The following MCIDAS variants were observed in gnomAD, a reference collection of about 807,000 sequenced individuals.
MCIDAS encodes the protein multicilin.
A neutral mutation model predicts 35.4 loss-of-function variants in MCIDAS; 23 were observed. That is an observed-to-expected ratio of 0.65 (90% confidence interval 0.47 to 0.92). MCIDAS has a LOEUF of 0.92. MCIDAS is among the 40% of genes least tolerant of loss of function. The probability of loss-of-function intolerance (pLI) is 0.00; values close to 1 mark genes in which losing one functional copy is unlikely to be tolerated. For synonymous variants in MCIDAS, 228 were observed against 235.2 expected (o/e 0.97, Z 0.28); for missense variants, 480 against 531.8 (o/e 0.90, Z 0.96).
At chr5:55,224,786 T>C (rs960467269) in intron 3 of MCIDAS, among the ~76,000 whole-genome samples, 2 of 152,216 alleles carry the variant, frequency 1.3e-5, no homozygotes, top group Non-Finnish European at 2.9e-5. Context: ...AAATGTGATC[T>C]GAGTGTCCCA....
At position 55,219,583 on chromosome 5, in the gene MCIDAS, T is replaced by G. The variant is rs1284680473; in HGVS notation, c.*783A>C. On this transcript the variant is annotated 3_prime_UTR_variant, in exon 7 of 7. Transcript: ENST00000513312. ...ACACTCTTTTTCATGCGGTATATGC[T>G]ATTTTCTTAAAACAATATATATTTC... 1.3e-5 allele frequency: 2 copies of G among 151,264 alleles called. No homozygotes were observed. Among genetic ancestry groups the G allele is most frequent in the African/African-American group, 4.9e-5 (2 of 41,176 alleles). The allele number at this position is 151,264 out of a possible 1,614,324, so 9.4% of individuals were successfully genotyped here.
intron 3 of MCIDAS, among the ~76,000 whole-genome samples, chr5:55,224,446 G>T (rs1745419907): frequency 6.6e-6 from 1 of 152,134 alleles, no homozygotes; most frequent in African/African-American, 2.4e-5. Flanking sequence ...AAAGAGTCAA[G>T]CAGGGAGGCC....
chr5:55,227,122 C>T lies in MCIDAS; in HGVS notation c.17G>A (p.Gly6Asp), dbSNP rs1331919030. 6.8e-7 allele frequency: 1 copy of T among 1,474,418 alleles called. No individual in the cohort carries two copies. The highest frequency in any genetic ancestry group is 2.3e-5 in the Admixed American group (1 of 43,398). 91.3% of individuals were successfully genotyped at this position (1,474,418 alleles called of 1,614,324 possible). MQACG[G>D]GAAGRRAFDS... ...GAAGGCCCGACGGCCGGCCGCGCCG[C>T]CCCCGCACGCCTGCATTGTGCCTCC... The change falls in exon 1 of 7, where the codon GGC (glycine) becomes GAC (aspartate). Residue 6 changes from glycine to aspartate, a missense_variant. Physicochemically the swap from Gly to Asp is moderately conservative, Grantham distance 94. Transcript: ENST00000513312.
chr5:55,226,124 G>T (rs1416730679), intron 3 of MCIDAS, among the ~76,000 whole-genome samples: 1 of 152,132 alleles, frequency 6.6e-6, no homozygotes, highest in African/African-American at 2.4e-5. Context: ...TTCCAGTCCT[G>T]ATAGAGAAGT....
In MCIDAS at chr5:55,223,047, C is replaced by T. The variant is rs1363557661; in HGVS notation, c.310-24G>A. On this transcript the variant is annotated intron_variant, in intron 3 of 6. Coordinates refer to ENST00000513312, the MANE Select transcript of MCIDAS (RefSeq NM_001190787.3). This position sits in a 1 kb window ranked among gnomAD's most constrained non-coding sequence, Gnocchi z 4.4. ...TTCTGAAAAAAACCAGAGGTGTACA[C>T]TGGTTAACGAGTCTGGCGTTAGAAA... 6.5e-7 allele frequency: 1 copy of T among 1,528,446 alleles called. No individual in the cohort carries two copies. Among genetic ancestry groups the T allele is most frequent in the African/African-American group, 1.4e-5 (1 of 72,918 alleles). 94.7% of individuals were successfully genotyped at this position (1,528,446 alleles called of 1,614,324 possible).
Position 55,223,171 on chromosome 5 carries a change from AT to A in MCIDAS, c.310-149del. ...CACTTGTACCCCTAAGTCCCCCCAA[AT>A]AAAACAATTTTTGTGGCGGGTCCGG... On this transcript the variant is annotated intron_variant, in intron 3 of 6. Coordinates refer to ENST00000513312, the MANE Select transcript of MCIDAS (RefSeq NM_001190787.3). This position sits in a 1 kb window ranked among gnomAD's most constrained non-coding sequence, Gnocchi z 4.4. The A allele has an allele frequency of 3.0e-6, 2 of 666,152 alleles. No homozygotes were observed. Among genetic ancestry groups the A allele is most frequent in the East Asian group, 2.8e-5 (1 of 36,178 alleles). The allele number at this position is 666,152 out of a possible 1,614,324, so 41.3% of individuals were successfully genotyped here.
At position 55,227,055 on chromosome 5, in the gene MCIDAS, C is replaced by A. The variant is rs898579382; in HGVS notation, c.84G>T (p.Arg28=). 8 of 1,519,934 alleles carry A rather than the reference C, an allele frequency of 5.3e-6. No individual in the cohort carries two copies. In the East Asian group the frequency reaches 1.8e-4, roughly 35 times the overall value. 94.2% of individuals were successfully genotyped at this position (1,519,934 alleles called of 1,614,324 possible). A position where few individuals can be genotyped will look rare whatever the true frequency, so the allele number is the denominator to read the frequency against. The part of the protein sequence containing the change: ...CPNRMLALPG[R]ALLCKPGKPE... ...GCTTCCCCGGCTTGCAGAGCAGCGC[C>A]CGGCCCGGCAGTGCCAGCATTCTGT... Residue 28 remains arginine, a synonymous_variant, in exon 1 of 7, where the codon CGG becomes CGT. Transcript: ENST00000513312.
In MCIDAS at chr5:55,222,972, T is replaced by G; in HGVS notation, c.361A>C (p.Thr121Pro). The change falls in exon 4 of 7, where the codon ACG (threonine) becomes CCG (proline). Residue 121 changes from threonine to proline, a missense_variant. By Grantham distance (38) the Thr-to-Pro change is conservative. Coordinates refer to ENST00000513312, the MANE Select transcript of MCIDAS (RefSeq NM_001190787.3). ...ADFNLQDFRD[T>P]VDDLISDSSS... is the part of the protein sequence containing the mutation. ...TTGCCTGAAATGAGATCATCCACCG[T>G]GTCTCTGAAATCTTGCAGATTGAAG... is the stretch of plus-strand genomic sequence containing the variant. 3 of 1,536,102 alleles carry G rather than the reference T, an allele frequency of 2.0e-6. No homozygotes were observed. The highest frequency in any genetic ancestry group is 2.6e-6 in the Non-Finnish European group (3 of 1,146,892).
rs1320584521 is a variant in MCIDAS at position 55,222,942 on chromosome 5, T to C, written c.382+9A>G. On this transcript the variant is annotated intron_variant, in intron 4 of 6. Coordinates refer to ENST00000513312, the MANE Select transcript of MCIDAS (RefSeq NM_001190787.3). ...CGCTGTTATTTAACTGCCAGGAGAC[T>C]GCACTTGCCTGAAATGAGATCATCC... 1 of 1,534,338 alleles carries C rather than the reference T, an allele frequency of 6.5e-7. No homozygotes were observed. Among genetic ancestry groups the C allele is most frequent in the South Asian group, 1.2e-5 (1 of 84,008 alleles).
At chr5:55,222,458 A>C in intron 4 of MCIDAS, 59 bp from the exon 5 acceptor site, 1 of 1,335,176 alleles carries the variant, frequency 7.5e-7, no homozygotes, top group East Asian at 2.5e-5. Context: ...TAGTTACAGG[A>C]GCAAAATGCC....
chr5:55,226,798 G>A, intron 2 of MCIDAS, 37 bp downstream of exon 2: 2 of 1,386,922 alleles, frequency 1.4e-6, no homozygotes, highest in Non-Finnish European at 1.9e-6. Flanking sequence ...CCCGGCGCGG[G>A]GAACCCGAGG....
intron 5 of MCIDAS, among the ~76,000 whole-genome samples, chr5:55,221,424 C>A (rs1745354674): frequency 6.6e-6 from 1 of 151,974 alleles, no homozygotes. Flanking sequence ...CCTTGTAAAA[C>A]GGGGCTAGTA....
In MCIDAS at chr5:55,220,625, G is replaced by A; in HGVS notation, c.899C>T (p.Pro300Leu). The A allele has an allele frequency of 2.6e-6, 4 of 1,536,090 alleles. No homozygotes were observed. The highest frequency in any genetic ancestry group is 2.6e-6 in the Non-Finnish European group (3 of 1,146,882). Residue 300 changes from proline (P) to leucine (L), a missense_variant, in exon 7 of 7, where the codon CCC becomes CTC. Transcript: ENST00000513312. ...RCDEALQSRD[P>L]KRPRLLPEPA... ...CTCTGGCAGCAGTCGGGGCCGCTTGGGATCGCGGCTCTGAAGGGCTTCATC... is the reference window on the plus strand; with the variant it reads ...CTCTGGCAGCAGTCGGGGCCGCTTGAGATCGCGGCTCTGAAGGGCTTCATC...
chr5:55,223,065 G>C lies in MCIDAS; in HGVS notation c.310-42C>G. ...GTGTACACTGGTTAACGAGTCTGGC[G>C]TTAGAAAGCCTTCAATAAATATTGG... On this transcript the variant is annotated intron_variant, in intron 3 of 6. Coordinates refer to ENST00000513312, the MANE Select transcript of MCIDAS (RefSeq NM_001190787.3). This position sits in a 1 kb window ranked among gnomAD's most constrained non-coding sequence, Gnocchi z 4.4. 6.8e-7 allele frequency: 1 copy of C among 1,478,108 alleles called. No homozygotes were observed. Among genetic ancestry groups the C allele is most frequent in the Non-Finnish European group, 9.1e-7 (1 of 1,094,716 alleles). 91.6% of individuals were successfully genotyped at this position (1,478,108 alleles called of 1,614,324 possible). A position where few individuals can be genotyped will look rare whatever the true frequency, so the allele number is the denominator to read the frequency against.
intron 3 of MCIDAS, among the ~76,000 whole-genome samples, chr5:55,224,355 T>A (rs1745418147): frequency 6.6e-6 from 1 of 152,178 alleles, no homozygotes; most frequent in Non-Finnish European, 1.5e-5. Flanking sequence ...CCTTCTTTAC[T>A]ATTAAAATAT....
At position 55,223,042 on chromosome 5, in the gene MCIDAS, G is replaced by C. The variant is rs1476490633; in HGVS notation, c.310-19C>G. On this transcript the variant is annotated intron_variant, in intron 3 of 6. Coordinates refer to ENST00000513312, the MANE Select transcript of MCIDAS (RefSeq NM_001190787.3). The surrounding 1 kb of genome is among the most constrained non-coding windows in gnomAD (Gnocchi z 4.4). Reference sequence around the variant, plus strand: ...AATGGTTCTGAAAAAAACCAGAGGTGTACACTGGTTAACGAGTCTGGCGTT... The same window carrying C: ...AATGGTTCTGAAAAAAACCAGAGGTCTACACTGGTTAACGAGTCTGGCGTT... 6 of 1,528,706 alleles carry C rather than the reference G, an allele frequency of 3.9e-6. No individual in the cohort carries two copies. Among genetic ancestry groups the C allele is most frequent in the Non-Finnish European group, 5.3e-6 (6 of 1,140,114 alleles). The allele number at this position is 1,528,706 out of a possible 1,614,324, so 94.7% of individuals were successfully genotyped here. A position where few individuals can be genotyped will look rare whatever the true frequency, so the allele number is the denominator to read the frequency against.
rs1463177854 is a variant in MCIDAS at position 55,223,194 on chromosome 5, C to T, written c.310-171G>A. ...AAATAAAACAATTTTTGTGGCGGGT[C>T]CGGAACCCTTTCTAGACCAACAGAC... On this transcript the variant is annotated intron_variant, in intron 3 of 6. Coordinates refer to ENST00000513312, the MANE Select transcript of MCIDAS (RefSeq NM_001190787.3). This position sits in a 1 kb window ranked among gnomAD's most constrained non-coding sequence, Gnocchi z 4.4. 6.6e-6 allele frequency among the ~76,000 whole-genome samples: 1 copy of T among 150,686 alleles called. No individual in the cohort carries two copies. The highest frequency in any genetic ancestry group is 2.5e-5 in the African/African-American group (1 of 40,802).
Position 55,220,254 on chromosome 5 carries a change from G to C in MCIDAS, c.*112C>G. On this transcript the variant is annotated 3_prime_UTR_variant, in exon 7 of 7. Coordinates refer to ENST00000513312, the MANE Select transcript of MCIDAS (RefSeq NM_001190787.3). Reference sequence around the variant, plus strand: ...AATGCATCGGTATCAAGATGCTTTTGTTCCTGAAAAAGTGTTTCAGGGTGG... The same window carrying C: ...AATGCATCGGTATCAAGATGCTTTTCTTCCTGAAAAAGTGTTTCAGGGTGG... The C allele has an allele frequency of 9.7e-7, 1 of 1,027,100 alleles. No homozygotes were observed. Among genetic ancestry groups the C allele is most frequent in the Middle Eastern group, 2.9e-4 (1 of 3,432 alleles). 63.6% of individuals were successfully genotyped at this position (1,027,100 alleles called of 1,614,324 possible). A position where few individuals can be genotyped will look rare whatever the true frequency, so the allele number is the denominator to read the frequency against.
intron 6 of MCIDAS, 79 bp from the exon 7 acceptor site, chr5:55,220,885 C>G (rs1243652505): frequency 8.2e-6 from 12 of 1,464,070 alleles, no homozygotes; most frequent in Non-Finnish European, 1.1e-5. Flanking sequence ...GTGACCTAGG[C>G]GCGCTACGCA....
Sources: gnomAD v4.1 joint callset for allele counts (sites outside exome capture counted in the v4.1 genomes callset) on GRCh38, gnomAD v4.1.1 for gene constraint, Gnocchi (gnomAD v3.1) non-coding constraint, MANE v1.5 for transcripts, NCBI Gene and HGNC (gene_info 2026-07-23, HGNC 2026-07-21) for gene names.